ANKRD18A: variants seen among roughly 807,000 people sequenced by gnomAD.
ANKRD18A encodes the protein ankyrin repeat domain 18A.
In ANKRD18A, 72 loss-of-function variants were observed where a neutral mutation model predicts 110.6. That is an observed-to-expected ratio of 0.65 (90% CI 0.54 to 0.79). ANKRD18A has a LOEUF of 0.79. ANKRD18A is among the 30% of genes least tolerant of loss of function. The pLI, the probability that ANKRD18A is intolerant of heterozygous loss-of-function variation, is 0.00. For synonymous variants in ANKRD18A, 305 were observed against 410.3 expected, an observed-to-expected ratio of 0.74 and a Z score of 3.10; for missense variants, 934 against 1,163.3, an observed-to-expected ratio of 0.80 and a Z score of 2.87.
chr9:38,604,027 C>T (rs1477314664), intron 6 of ANKRD18A: 1 of 152,348 alleles, frequency 6.6e-6, no homozygotes, highest in Non-Finnish European at 1.5e-5. Flanking sequence ...GGGCTGAGCA[C>T]GGTGGCTCAT....
In ANKRD18A at chr9:38,588,550, C is replaced by T; in HGVS notation, c.2117+1G>A. The T allele has an allele frequency of 7.6e-7, 1 of 1,318,422 alleles. No individual in the cohort carries two copies. Among genetic ancestry groups the T allele is most frequent in the Non-Finnish European group, 9.8e-7 (1 of 1,017,754 alleles). 81.7% of individuals were successfully genotyped at this position (1,318,422 alleles called of 1,614,324 possible). A position where few individuals can be genotyped will look rare whatever the true frequency, so the allele number is the denominator to read the frequency against. On this transcript the variant is annotated splice_donor_variant, in intron 11 of 15. Transcript: ENST00000399703. LOFTEE classifies it high-confidence loss of function. ...AATGTTCTACAATATGAAAACCATA[C>T]CCAGTTGCCTCTTCTTCTAATTCAC... is the stretch of plus-strand genomic sequence containing the variant.
intron 7 of ANKRD18A, 50 bp downstream of exon 7, chr9:38,603,109 G>T: frequency 2.0e-6 from 3 of 1,527,112 alleles, no homozygotes; most frequent in Middle Eastern, 3.4e-4. Context: ...AGCTTCCCTT[G>T]TCTCCCAGTC....
intron 3 of ANKRD18A, among the ~76,000 whole-genome samples, chr9:38,612,817 G>A (rs144819001): frequency 0.012 from 1,856 of 152,022 alleles, 21 homozygotes; most frequent in Middle Eastern, 0.027. Context: ...GCACCCGGCC[G>A]TCACTTGCAT....
rs549462426 is a variant in ANKRD18A at position 38,611,228 on chromosome 9, C to T, written c.589G>A (p.Asp197Asn). 1.3e-6 allele frequency: 2 copies of T among 1,523,506 alleles called. No individual in the cohort carries two copies. The highest frequency in any genetic ancestry group is 2.4e-5 in the Admixed American group (1 of 41,826). The allele number at this position is 1,523,506 out of a possible 1,614,324, so 94.4% of individuals were successfully genotyped here. A position where few individuals can be genotyped will look rare whatever the true frequency, so the allele number is the denominator to read the frequency against. ...LKNQANIHAV[D>N]NFKRTALILA... ...AAACTATTGCACCTTTTGAAATTGT[C>T]AACGGCATGTATATTTGCCTGGTTC... is the stretch of plus-strand genomic sequence containing the variant. Residue 197 changes from aspartate to asparagine, a missense_variant, in exon 4 of 16, where the codon GAC becomes AAC. Transcript: ENST00000399703.
In ANKRD18A at chr9:38,595,494, C is replaced by G. The variant is rs1487533867; in HGVS notation, c.1846G>C (p.Glu616Gln). Residue 616 changes from glutamate (E) to glutamine (Q), a missense_variant, in exon 9 of 16, where the codon GAA becomes CAA. Around this residue, in one of 4 missense-constraint regions of ANKRD18A, gnomAD observed 630 missense variants for 797.5 expected, o/e 0.79. Transcript: ENST00000399703. ...GTTTTCTTCATACTTACTTCTCTTTCTGCTTTTTCTTTTTCACACTGAAGC... is the reference window on the plus strand; with the variant it reads ...GTTTTCTTCATACTTACTTCTCTTTGTGCTTTTTCTTTTTCACACTGAAGC... ...KLLQCEKEKA[E>Q]REVIVREFQE... The G allele has an allele frequency of 6.8e-7, 1 of 1,474,552 alleles. No individual in the cohort carries two copies. The highest frequency in any genetic ancestry group is 2.5e-5 in the East Asian group (1 of 39,862). The allele number at this position is 1,474,552 out of a possible 1,614,324, so 91.3% of individuals were successfully genotyped here. A position where few individuals can be genotyped will look rare whatever the true frequency, so the allele number is the denominator to read the frequency against.
chr9:38,588,055 T>C (rs1035788391), intron 11 of ANKRD18A, among the ~76,000 whole-genome samples: 1 of 152,162 alleles, frequency 6.6e-6, no homozygotes, highest in African/African-American at 2.4e-5. Context: ...GTCATTGCAC[T>C]CCAGCCTGGG....
Position 38,578,131 on chromosome 9 carries a change from G to A in ANKRD18A, c.2265C>T (p.Ala755=), listed in dbSNP as rs754581007. The change falls in exon 13 of 16, where the codon GCC becomes GCT. Residue 755 remains alanine, a synonymous_variant. Coordinates refer to ENST00000399703, the MANE Select transcript of ANKRD18A (RefSeq NM_147195.4). ...ATTCTGAAGACACAGCTTCCTTCTC[G>A]GCCACAAGATCATTAAACTGCATTA... ...KLKQKFNDLV[A]EKEAVSSECV... 7.1e-6 allele frequency: 11 copies of A among 1,544,416 alleles called. No individual in the cohort carries two copies. Among genetic ancestry groups the A allele is most frequent in the African/African-American group, 4.2e-5 (3 of 72,232 alleles).
intron 15 of ANKRD18A, chr9:38,573,144 T>A (rs1974262): frequency 0.43 from 497,490 of 1,144,492 alleles, 107,327 homozygotes; most frequent in East Asian, 0.72. Flanking sequence ...AATAAGTAAA[T>A]AATAATAATA....
At position 38,571,606 on chromosome 9, in the gene ANKRD18A, C is replaced by T. The variant is rs1017570667; in HGVS notation, c.*439G>A. 10 of 1,011,202 alleles carry T rather than the reference C, an allele frequency of 9.9e-6. No homozygotes were observed. The highest frequency in any genetic ancestry group is 1.1e-5 in the Non-Finnish European group (9 of 847,744). The allele number at this position is 1,011,202 out of a possible 1,614,324, so 62.6% of individuals were successfully genotyped here. On this transcript the variant is annotated 3_prime_UTR_variant, in exon 16 of 16. Transcript: ENST00000399703. ...AGTATGGACAAACCTGGCAGATACTCTTTAAGTCTCCTACTACATATGGTA... is the reference window on the plus strand; with the variant it reads ...AGTATGGACAAACCTGGCAGATACTTTTTAAGTCTCCTACTACATATGGTA...
chr9:38,575,548 A>T lies in ANKRD18A; in HGVS notation c.2892T>A (p.Ile964=). The T allele has an allele frequency of 6.4e-7, 1 of 1,551,500 alleles. No homozygotes were observed. The highest frequency in any genetic ancestry group is 8.7e-7 in the Non-Finnish European group (1 of 1,146,794). Residue 964 remains isoleucine (I), a synonymous_variant, in exon 15 of 16, where the codon ATT becomes ATA. Coordinates refer to ENST00000399703, the MANE Select transcript of ANKRD18A (RefSeq NM_147195.4). ...TAGGAATTCTTATGGCCGTTTTGGG[A>T]ATATATTTTCTGTTGAGTTCTATAC... ...LNSIELNRKY[I]PKTAIRIPTS...
At chr9:38,606,913 A>T (rs1256294461) in intron 6 of ANKRD18A, among the ~76,000 whole-genome samples, 1 of 152,144 alleles carries the variant, frequency 6.6e-6, no homozygotes, top group Non-Finnish European at 1.5e-5. Flanking sequence ...ATTTTTTCAG[A>T]CAATACTGTT....
intron 12 of ANKRD18A, among the ~76,000 whole-genome samples, chr9:38,584,862 C>T (rs1824312094): frequency 6.6e-6 from 1 of 152,250 alleles, no homozygotes; most frequent in East Asian, 1.9e-4. Flanking sequence ...ACCCTTCAAA[C>T]AATCAAATCT....
chr9:38,599,796 A>G (rs1825045107), intron 8 of ANKRD18A, among the ~76,000 whole-genome samples: 1 of 152,162 alleles, frequency 6.6e-6, no homozygotes, highest in Admixed American at 6.5e-5. Flanking sequence ...TCCTGAATAT[A>G]CAGATATATC....
At chr9:38,566,832 G>A (rs577887970), downstream of ANKRD18A, 6 of 152,230 alleles carry the variant, frequency 3.9e-5, no homozygotes, top group South Asian at 2.1e-4. Context: ...TCAATGACCA[G>A]GTGTCATGAG....
chr9:38,595,346 T>C (rs1475386532), intron 9 of ANKRD18A, 140 bp downstream of exon 9: 2 of 885,280 alleles, frequency 2.3e-6, no homozygotes, highest in Non-Finnish European at 3.2e-6. Context: ...ATTTCCTGGA[T>C]GATTCATGTA....
intron 12 of ANKRD18A, among the ~76,000 whole-genome samples, chr9:38,578,905 C>A (rs545006600): frequency 1.3e-5 from 2 of 152,212 alleles, no homozygotes; most frequent in East Asian, 3.9e-4. Flanking sequence ...AATAATGAAT[C>A]CTGTAAATAA....
At chr9:38,567,544 GA>G (rs1377622269), downstream of ANKRD18A, 1 of 152,674 alleles carries the variant, frequency 6.5e-6, no homozygotes, top group African/African-American at 2.4e-5. Context: ...CTGTGATTCT[GA>G]TGTCATCAGC....
At chr9:38,606,043 T>C (rs1017742845) in intron 6 of ANKRD18A, among the ~76,000 whole-genome samples, 6 of 152,216 alleles carry the variant, frequency 3.9e-5, no homozygotes, top group Non-Finnish European at 7.3e-5. Context: ...AAATTAAAAA[T>C]AGACCTTGTT....
In ANKRD18A at chr9:38,595,726, C is replaced by T; in HGVS notation, c.1614G>A (p.Lys538=). ...GEAKESQSIG[K]QNSLEERIRQ... ...GTATTCTCTCCTCTAAAGAGTTCTG[C>T]TTTCCAATGGATTGACTTTCTTTAG... Residue 538 remains lysine, a synonymous_variant, in exon 9 of 16, where the codon AAG becomes AAA. Transcript: ENST00000399703. The T allele has an allele frequency of 6.4e-7, 1 of 1,551,422 alleles. No homozygotes were observed.
Sources: allele counts gnomAD v4.1 joint callset (sites outside exome capture counted in the v4.1 genomes callset), GRCh38; gene constraint gnomAD v4.1.1; regional missense constraint gnomAD v4.1.1; transcripts MANE v1.5; gene names NCBI Gene and HGNC (gene_info 2026-07-23, HGNC 2026-07-21).